The following CACNG7 variants were observed in gnomAD, a reference collection of about 807,000 sequenced individuals.
CACNG7 encodes the protein calcium voltage-gated channel auxiliary subunit gamma 7.
CACNG7 carries 9 observed loss-of-function variants against 26.3 expected under a neutral mutation model. The observed-to-expected ratio is 0.34, with a 90% CI of 0.21 to 0.60. CACNG7 has a LOEUF of 0.60. Ranked by LOEUF, CACNG7 falls within the 20% of genes least tolerant of loss-of-function variation. CACNG7 has a pLI of 0.81. For synonymous variants in CACNG7, 170 were observed against 157.0 expected, an observed-to-expected ratio of 1.08 and a Z score of -0.62; for missense variants, 297 against 380.4, an observed-to-expected ratio of 0.78 and a Z score of 1.82.
intron 4 of CACNG7, among the ~76,000 whole-genome samples, chr19:53,919,502 T>C (rs1471804594): frequency 7.0e-6 from 1 of 142,610 alleles, no homozygotes; most frequent in African/African-American, 2.7e-5. Context: ...TTGGTGGAGT[T>C]GTCCCCAGGC....
intron 4 of CACNG7, among the ~76,000 whole-genome samples, chr19:53,924,742 C>G (rs151163089): frequency 0.018 from 2,605 of 145,706 alleles, 26 homozygotes; most frequent in African/African-American, 0.063. Flanking sequence ...TGCCCCAGGT[C>G]TGGTCATTGG....
chr19:53,916,492 T>TC (rs1248328509), intron 4 of CACNG7, among the ~76,000 whole-genome samples: 46 of 143,038 alleles, frequency 3.2e-4, no homozygotes, highest in African/African-American at 1.1e-3. Context: ...TCTTTCTTTT[T>TC]TTTTTTTTTT....
At chr19:53,910,370 A>C (rs2068855035) in intron 1 of CACNG7, among the ~76,000 whole-genome samples, 1 of 103,988 alleles carries the variant, frequency 9.6e-6, no homozygotes, top group Non-Finnish European at 2.0e-5. Context: ...GTTGGGGGGG[A>C]AGGAGGGGGG....
rs1423079788 is a variant in CACNG7, at chr19:53,922,810, AT to A, written c.424+7307del. ...TGGTGGAGTTGCCCCAGGTCTGGTC[AT>A]TGGTGGAGTTGTCCCAGGTCTGGTC... On this transcript the variant is annotated intron_variant, in intron 4 of 5. Transcript: ENST00000391767. 7.2e-5 allele frequency among the ~76,000 whole-genome samples: 4 copies of A among 55,802 alleles called. 1 individual carries two copies. The highest frequency in any genetic ancestry group is 4.4e-4 in the East Asian group (1 of 2,248). 36.6% of individuals were successfully genotyped at this position (55,802 alleles called of 152,430 possible).
At chr19:53,927,527 C>T (rs2069040031) in intron 4 of CACNG7, among the ~76,000 whole-genome samples, 2 of 151,938 alleles carry the variant, frequency 1.3e-5, no homozygotes, top group Non-Finnish European at 1.5e-5. Flanking sequence ...TCACAGCATG[C>T]GATAAGGTCC....
In CACNG7 at chr19:53,939,739, C is replaced by T. The variant is rs1385776012; in HGVS notation, c.425-1731C>T. Among the ~76,000 whole-genome samples the T allele has an allele frequency of 2.0e-5, 3 of 152,152 alleles. No homozygotes were observed. The highest frequency in any genetic ancestry group is 7.2e-5 in the African/African-American group (3 of 41,422). ...TACGCATAACGCTGTTACAAACATC[C>T]GTGTATGCGTTTTTGTATGAACATA... On this transcript the variant is annotated intron_variant, in intron 4 of 5. Coordinates refer to ENST00000391767, the MANE Select transcript of CACNG7 (RefSeq NM_031896.5). The surrounding 1 kb of genome is among the most constrained non-coding windows in gnomAD (Gnocchi z 4.2).
At chr19:53,920,652 GCTGGTCATTGGTGGAGTTGCCCCAGGT>G (rs2068938099) in intron 4 of CACNG7, among the ~76,000 whole-genome samples, 1 of 88,396 alleles carries the variant, frequency 1.1e-5, no homozygotes, top group Non-Finnish European at 2.1e-5. Flanking sequence ...GTTGCCCCAG[GCTGGTCATTGGTGGAGTTGCCCCAGGT>G]CTGGTCATTG....
rs374421569 is a variant in CACNG7, at chr19:53,912,948, C to A, written c.117C>A (p.Gly39=). Residue 39 remains glycine, a synonymous_variant, in exon 2 of 6, where the codon GGC becomes GGA. Transcript: ENST00000391767. This position sits in a 1 kb window ranked among gnomAD's most constrained non-coding sequence, Gnocchi z 4.6. ...ACTACTGGCTGTACATGGAAGAAGG[C>A]ACAGTGCTACCGCAGAACCAGACCA... is the stretch of plus-strand genomic sequence containing the variant. ...STDYWLYMEE[G]TVLPQNQTTE... is the part of the protein sequence containing the mutation. The A allele has an allele frequency of 6.2e-7, 1 of 1,614,140 alleles. No individual in the cohort carries two copies. The highest frequency in any genetic ancestry group is 1.1e-5 in the South Asian group (1 of 91,086).
chr19:53,920,135 T>C (rs2068930446), intron 4 of CACNG7, among the ~76,000 whole-genome samples: 1 of 109,008 alleles, frequency 9.2e-6, no homozygotes, highest in Non-Finnish European at 1.8e-5. Context: ...TTGGTGGACT[T>C]GCCCCAGGTC....
At position 53,909,688 on chromosome 19, in the gene CACNG7, C is replaced by T. The variant is rs1030068417; in HGVS notation, c.-30+171C>T. Reference sequence around the variant, plus strand: ...GGGATGCAGGGACACCTGGGCCTGGCGATCCCGGAGGACGGGGTCCGAGGG... The same window carrying T: ...GGGATGCAGGGACACCTGGGCCTGGTGATCCCGGAGGACGGGGTCCGAGGG... On this transcript the variant is annotated intron_variant, in intron 1 of 5. Transcript: ENST00000391767. This position sits in a 1 kb window ranked among gnomAD's most constrained non-coding sequence, Gnocchi z 5.1. 7.9e-5 allele frequency among the ~76,000 whole-genome samples: 12 copies of T among 152,122 alleles called. No homozygotes were observed. Among genetic ancestry groups the T allele is most frequent in the African/African-American group, 2.7e-4 (11 of 41,428 alleles).
At chr19:53,913,848 T>C (rs1270305238) in intron 2 of CACNG7, among the ~76,000 whole-genome samples, 1 of 148,908 alleles carries the variant, frequency 6.7e-6, no homozygotes, top group Admixed American at 6.7e-5. Context: ...GACCAATTCA[T>C]TGTAAGAATC....
intron 4 of CACNG7, among the ~76,000 whole-genome samples, chr19:53,930,586 G>T (rs995105633): frequency 6.6e-6 from 1 of 152,120 alleles, no homozygotes; most frequent in Non-Finnish European, 1.5e-5. Context: ...TGTTAGCCAG[G>T]ATGGTCTTGA....
intron 4 of CACNG7, among the ~76,000 whole-genome samples, chr19:53,918,922 G>C (rs7258220): frequency 0.44 from 67,551 of 151,962 alleles, 16,843 homozygotes; most frequent in African/African-American, 0.67. Flanking sequence ...GCATGTGCCA[G>C]TGCACCCGGC....
intron 4 of CACNG7, among the ~76,000 whole-genome samples, chr19:53,933,549 G>A (rs1018690205): frequency 2.6e-5 from 4 of 151,572 alleles, no homozygotes; most frequent in Non-Finnish European, 2.9e-5. Flanking sequence ...TGATCCACCC[G>A]CCTCAGCCTC....
chr19:53,920,080 G>A (rs865803999), intron 4 of CACNG7, among the ~76,000 whole-genome samples: 1 of 103,286 alleles, frequency 9.7e-6, no homozygotes, highest in Non-Finnish European at 1.8e-5. Flanking sequence ...CATTGGTGGA[G>A]TTGCCCCAGG....
rs370400432 is a variant in CACNG7 at position 53,912,975 on chromosome 19, C to T, written c.144C>T (p.Thr48=). Reference sequence around the variant, plus strand: ...CAGTGCTACCGCAGAACCAGACCACCGAGGTCAAGATGGCCCTGCACGCCG... The same window carrying T: ...CAGTGCTACCGCAGAACCAGACCACTGAGGTCAAGATGGCCCTGCACGCCG... ...EGTVLPQNQT[T]EVKMALHAGL... The change falls in exon 2 of 6, where the codon ACC becomes ACT. Residue 48 remains threonine (T), a synonymous_variant. Transcript: ENST00000391767. This position sits in a 1 kb window ranked among gnomAD's most constrained non-coding sequence, Gnocchi z 4.6. 1.6e-5 allele frequency: 26 copies of T among 1,613,806 alleles called. No homozygotes were observed. In the East Asian group the frequency reaches 3.3e-4, roughly 21 times the overall value.
intron 4 of CACNG7, among the ~76,000 whole-genome samples, chr19:53,923,174 CCCAGGTCTGGTCATTGGTGGGGTTGT>C: frequency 1.1e-5 from 1 of 87,596 alleles, no homozygotes; most frequent in Non-Finnish European, 2.1e-5. Flanking sequence ...GTGGAGTTGT[CCCAGGTCTGGTCATTGGTGGGGTTGT>C]CCCAGGCTCG....
At chr19:53,922,147 TC>T (rs772060523) in intron 4 of CACNG7, among the ~76,000 whole-genome samples, 16 of 98,120 alleles carry the variant, frequency 1.6e-4, no homozygotes, top group East Asian at 6.4e-4. Context: ...GGTGGAGTTG[TC>T]CCCAGGTCTG....
intron 4 of CACNG7, among the ~76,000 whole-genome samples, chr19:53,937,568 C>T (rs554758099): frequency 1.5e-3 from 132 of 90,004 alleles, no homozygotes; most frequent in African/African-American, 5.7e-3. Flanking sequence ...TCTCCTCCCC[C>T]CTTCCCTTCC....
Sources: gnomAD v4.1 joint callset for allele counts (sites outside exome capture counted in the v4.1 genomes callset) on GRCh38, gnomAD v4.1.1 for gene constraint, Gnocchi (gnomAD v3.1) non-coding constraint, MANE v1.5 for transcripts, NCBI Gene and HGNC (gene_info 2026-07-23, HGNC 2026-07-21) for gene names.